Variants in RAD51B observed in about 807,000 individuals in gnomAD.
The protein encoded by RAD51B is DNA repair protein RAD51 homolog 2.
RAD51B carries 38 observed loss-of-function variants against 42.2 expected under a neutral mutation model. The ratio of observed to expected loss-of-function variants is 0.90; its 90% CI spans 0.70 to 1.18. The LOEUF is 1.18. RAD51B is among the 50% of genes most tolerant of loss of function. The probability of loss-of-function intolerance (pLI) is 0.00; values close to 1 mark genes in which losing one functional copy is unlikely to be tolerated. For synonymous variants in RAD51B, 154 were observed against 145.2 expected, an observed-to-expected ratio of 1.06 and a Z score of -0.43; for missense variants, 373 against 400.7, an observed-to-expected ratio of 0.93 and a Z score of 0.59.
chr14:67,927,562 C>T (rs1170983077), intron 7 of RAD51B, among the ~76,000 whole-genome samples: 1 of 152,062 alleles, frequency 6.6e-6, no homozygotes, highest in Non-Finnish European at 1.5e-5. Flanking sequence ...TTTTTTAGCT[C>T]CCACATGTGA....
intron 7 of RAD51B, among the ~76,000 whole-genome samples, chr14:67,898,030 T>G (rs538756320): frequency 1.8e-4 from 28 of 152,168 alleles, no homozygotes; most frequent in Non-Finnish European, 3.1e-4. Flanking sequence ...CTCAAAACAT[T>G]AAAGATAGGA....
chr14:68,295,068 AG>A (rs2081587947), intron 8 of RAD51B, among the ~76,000 whole-genome samples: 1 of 152,254 alleles, frequency 6.6e-6, no homozygotes. Context: ...CAAATTGACA[AG>A]CACACTGCAA....
chr14:67,995,864 G>A (rs779070471), intron 7 of RAD51B, among the ~76,000 whole-genome samples: 8 of 151,912 alleles, frequency 5.3e-5, no homozygotes, highest in Non-Finnish European at 1.0e-4. Context: ...TGATCCGCCC[G>A]CCTTGGCCTC....
chr14:68,382,260 A>G (rs2083493989), intron 8 of RAD51B, among the ~76,000 whole-genome samples: 1 of 152,206 alleles, frequency 6.6e-6, no homozygotes, highest in Non-Finnish European at 1.5e-5. Flanking sequence ...GTAGATGCCA[A>G]TGGCATCCCT....
intron 7 of RAD51B, among the ~76,000 whole-genome samples, chr14:68,072,453 A>T (rs143844818): frequency 0.012 from 1,809 of 152,106 alleles, 16 homozygotes; most frequent in Non-Finnish European, 0.017. Context: ...AAAGATGTAG[A>T]CTGGGAGGCT....
intron 7 of RAD51B, among the ~76,000 whole-genome samples, chr14:67,918,425 G>C (rs1244119295): frequency 6.6e-6 from 1 of 152,066 alleles, no homozygotes; most frequent in East Asian, 1.9e-4. Flanking sequence ...AGTAGAGACA[G>C]GGTTTCACCA....
chr14:68,434,277 CAG>C (rs1316460052), intron 9 of RAD51B, among the ~76,000 whole-genome samples: 1 of 152,186 alleles, frequency 6.6e-6, no homozygotes, highest in East Asian at 1.9e-4. Flanking sequence ...AACTGTCAGA[CAG>C]GGACATTTAA....
intron 7 of RAD51B, among the ~76,000 whole-genome samples, chr14:67,965,221 A>C (rs1465431832): frequency 6.6e-6 from 1 of 152,130 alleles, no homozygotes; most frequent in Non-Finnish European, 1.5e-5. Context: ...CCATCCTCTC[A>C]GCTGGAAACC....
intron 7 of RAD51B, among the ~76,000 whole-genome samples, chr14:68,219,518 C>T (rs922375093): frequency 5.3e-5 from 8 of 152,098 alleles, no homozygotes; most frequent in Admixed American, 2.0e-4. Flanking sequence ...CATCACAGGA[C>T]GCTTTGCAGA....
chr14:68,667,449 A>AG (rs879406654), intron 11 of RAD51B, among the ~76,000 whole-genome samples: 12,753 of 152,102 alleles, frequency 0.084, 597 homozygotes, highest in Middle Eastern at 0.13. Flanking sequence ...TTTATTGTAA[A>AG]TCAAATATAA....
intron 5 of RAD51B, among the ~76,000 whole-genome samples, chr14:67,884,145 C>T (rs1426010378): frequency 6.6e-6 from 1 of 152,020 alleles, no homozygotes; most frequent in Non-Finnish European, 1.5e-5. Context: ...TTTAGAGAAA[C>T]AAAATTACAG....
chr14:68,542,590 C>T (rs1481366641), intron 10 of RAD51B, among the ~76,000 whole-genome samples: 1 of 152,124 alleles, frequency 6.6e-6, no homozygotes, highest in African/African-American at 2.4e-5. Context: ...CTAATCTTGC[C>T]ACAAGATATC....
At chr14:68,070,013 G>T (rs1200634615) in intron 7 of RAD51B, among the ~76,000 whole-genome samples, 1 of 152,060 alleles carries the variant, frequency 6.6e-6, no homozygotes, top group Non-Finnish European at 1.5e-5. Flanking sequence ...CTGTGGTTTT[G>T]ATTTGCATTT....
Position 68,272,665 on chromosome 14 carries a change from ATTTTTTTTTTTTTTTTTT to A in RAD51B, c.757-19198_757-19181del, listed in dbSNP as rs71412311. Among the ~76,000 whole-genome samples, 14 of 12,474 alleles carry A rather than the reference ATTTTTTTTTTTTTTTTTT, an allele frequency of 1.1e-3. No homozygotes were observed. In the East Asian group the frequency reaches 0.022, roughly 19 times the overall value. The allele number at this position is 12,474 out of a possible 152,430, so 8.2% of individuals were successfully genotyped here. A position where few individuals can be genotyped will look rare whatever the true frequency, so the allele number is the denominator to read the frequency against. On this transcript the variant is annotated intron_variant, in intron 7 of 10. Coordinates refer to ENST00000471583, the MANE Select transcript of RAD51B (RefSeq NM_133510.4). ...TATATATATATATATATATATATAT[ATTTTTTTTTTTTTTTTTT>A]TTTTTTTTTTTTTTTTTTTTGAGAT...
intron 7 of RAD51B, among the ~76,000 whole-genome samples, chr14:67,946,732 G>T (rs2045407833): frequency 6.6e-6 from 1 of 150,696 alleles, no homozygotes; most frequent in South Asian, 2.1e-4. Context: ...AATGGATATT[G>T]TGCTTTTTTA....
At chr14:68,631,364 C>T (rs1892223440) in intron 10 of RAD51B, among the ~76,000 whole-genome samples, 1 of 152,172 alleles carries the variant, frequency 6.6e-6, no homozygotes, top group Non-Finnish European at 1.5e-5. Context: ...AACCGTCCCT[C>T]ATAACATGCA....
intron 10 of RAD51B, among the ~76,000 whole-genome samples, chr14:68,622,737 A>C (rs1009244079): frequency 1.2e-4 from 18 of 151,784 alleles, no homozygotes; most frequent in Non-Finnish European, 1.9e-4. Flanking sequence ...AAAAAAAAAA[A>C]AAAAAACTGG....
At chr14:68,425,936 T>TTTTCTTTCTTTCTTTCTTCCTTTC (rs2084821440) in intron 9 of RAD51B, among the ~76,000 whole-genome samples, 6 of 73,924 alleles carry the variant, frequency 8.1e-5, no homozygotes, top group Non-Finnish European at 1.5e-4. Context: ...AGGCCATTCT[T>TTTTCTTTCTTTCTTTCTTCCTTTC]TTTCTTTCTT....
intron 4 of RAD51B, among the ~76,000 whole-genome samples, chr14:67,838,754 T>C (rs548626984): frequency 1.6e-4 from 25 of 152,186 alleles, no homozygotes; most frequent in African/African-American, 5.3e-4. Flanking sequence ...CCTTCTGTTT[T>C]TATTAATACC....
Sources: allele counts gnomAD v4.1 joint callset (sites outside exome capture counted in the v4.1 genomes callset), GRCh38; gene constraint gnomAD v4.1.1; transcripts MANE v1.5; gene names NCBI Gene and HGNC (gene_info 2026-07-23, HGNC 2026-07-21).